Variants in QRFPR observed in about 807,000 individuals in gnomAD.
The protein encoded by QRFPR is pyroglutamylated RF-amide peptide receptor.
QRFPR carries 37 observed loss-of-function variants against 31.3 expected under a neutral mutation model. The ratio of observed to expected loss-of-function variants is 1.18; its 90% CI spans 0.91 to 1.56. The LOEUF is 1.56. Ranked by LOEUF, QRFPR falls within the 40% of genes most tolerant of loss-of-function variation. The probability of loss-of-function intolerance (pLI) is 0.00; values close to 1 mark genes in which losing one functional copy is unlikely to be tolerated. For missense variants in QRFPR, 542 were observed against 532.5 expected, an observed-to-expected ratio of 1.02 and a Z score of -0.18; for synonymous variants, 197 against 192.0, an observed-to-expected ratio of 1.03 and a Z score of -0.22.
At position 121,380,404 on chromosome 4, in the gene QRFPR, T is replaced by C. The variant is rs1726463839; in HGVS notation, c.244A>G (p.Ile82Val). 6.2e-7 allele frequency: 1 copy of C among 1,614,048 alleles called. No homozygotes were observed. Among genetic ancestry groups the C allele is most frequent in the Non-Finnish European group, 8.5e-7 (1 of 1,180,024 alleles). ...RSKAMRTVTN[I>V]FICSLALSDL... ...CTGAGCGCCAAGGAGCAGATAAAGA[T>C]GTTGGTGACGGTGCGCATGGCCTTG... The change falls in exon 1 of 6, where the codon ATC becomes GTC. Residue 82 changes from isoleucine to valine, a missense_variant. By Grantham distance (29) the Ile-to-Val change is conservative. Transcript: ENST00000394427.
At chr4:121,358,193 AG>A (rs1322470278) in intron 1 of QRFPR, among the ~76,000 whole-genome samples, 1 of 152,252 alleles carries the variant, frequency 6.6e-6, no homozygotes, top group Non-Finnish European at 1.5e-5. Flanking sequence ...TAATAATAGC[AG>A]GTAATACCTA....
chr4:121,329,941 T>C lies in QRFPR; in HGVS notation c.896-227A>G, dbSNP rs537801935. On this transcript the variant is annotated intron_variant, in intron 5 of 5. Coordinates refer to ENST00000394427, the MANE Select transcript of QRFPR (RefSeq NM_198179.3). ...CATGCGTAGCCTGGTGTCCAGCATA[T>C]AGTAGGGGGCTTATAGCATTGCAGC... 1.3e-4 allele frequency among the ~76,000 whole-genome samples: 20 copies of C among 152,274 alleles called. No individual in the cohort carries two copies. The South Asian group carries it at 3.7e-3, about 28-fold the overall frequency.
chr4:121,361,705 A>G (rs1725995851), intron 1 of QRFPR, among the ~76,000 whole-genome samples: 1 of 150,288 alleles, frequency 6.7e-6, no homozygotes, highest in Non-Finnish European at 1.5e-5. Context: ...AACAGCACGA[A>G]AAGTTCACAA....
intron 2 of QRFPR, among the ~76,000 whole-genome samples, chr4:121,338,415 C>G (rs1160942142): frequency 2.6e-5 from 4 of 152,164 alleles, no homozygotes; most frequent in Non-Finnish European, 5.9e-5. Flanking sequence ...GGACCTAGGC[C>G]AAGCTTGTCC....
intron 1 of QRFPR, among the ~76,000 whole-genome samples, chr4:121,367,209 C>A (rs1245524258): frequency 2.7e-5 from 4 of 149,770 alleles, no homozygotes; most frequent in African/African-American, 9.9e-5. Context: ...GACAGTGGGA[C>A]CGCTTCCTAG....
At chr4:121,338,129 G>A (rs757118826) in intron 2 of QRFPR, among the ~76,000 whole-genome samples, 1 of 152,160 alleles carries the variant, frequency 6.6e-6, no homozygotes, top group Non-Finnish European at 1.5e-5. Flanking sequence ...GGACTCACAA[G>A]TCTGTCTGTC....
At chr4:121,335,530 T>C (rs748645499) in intron 3 of QRFPR, among the ~76,000 whole-genome samples, 1 of 133,032 alleles carries the variant, frequency 7.5e-6, no homozygotes, top group African/African-American at 2.8e-5. Flanking sequence ...TCTCCCCATT[T>C]TCCTCATCAG....
intron 1 of QRFPR, among the ~76,000 whole-genome samples, chr4:121,376,864 G>A (rs1332761760): frequency 6.6e-6 from 1 of 152,114 alleles, no homozygotes; most frequent in Non-Finnish European, 1.5e-5. Context: ...AAAGACCTGA[G>A]CTGACTTCTC....
intron 1 of QRFPR, among the ~76,000 whole-genome samples, chr4:121,343,877 G>A (rs1275116616): frequency 2.0e-5 from 3 of 152,072 alleles, no homozygotes; most frequent in Admixed American, 2.0e-4. Flanking sequence ...CAGGGTATCT[G>A]TCAATTGATT....
chr4:121,377,399 CTATA>C (rs71599124), intron 1 of QRFPR, among the ~76,000 whole-genome samples: 145 of 139,704 alleles, frequency 1.0e-3, no homozygotes, highest in African/African-American at 3.7e-3. Context: ...TTTTACATAA[CTATA>C]TATATATATA....
chr4:121,340,315 A>T, intron 2 of QRFPR, 137 bp downstream of exon 2: 3 of 900,644 alleles, frequency 3.3e-6, no homozygotes, highest in Middle Eastern at 2.8e-4. Flanking sequence ...AAACAGGGAA[A>T]GCACTGAAAC....
intron 1 of QRFPR, among the ~76,000 whole-genome samples, chr4:121,350,232 A>C (rs2110474237): frequency 6.6e-6 from 1 of 152,300 alleles, no homozygotes; most frequent in African/African-American, 2.4e-5. Context: ...AACTTTACTT[A>C]ACTCTCTTCA....
At chr4:121,365,541 ATT>A (rs1560743640) in intron 1 of QRFPR, among the ~76,000 whole-genome samples, 1,671 of 7,026 alleles carry the variant, frequency 0.24, 640 homozygotes, top group East Asian at 0.65. Flanking sequence ...TATAATATAT[ATT>A]ATATATAATA....
intron 1 of QRFPR, among the ~76,000 whole-genome samples, chr4:121,375,853 A>G (rs1404329737): frequency 6.6e-6 from 1 of 152,258 alleles, no homozygotes; most frequent in African/African-American, 2.4e-5. Flanking sequence ...ATGGAAACTT[A>G]GAGAAGAGAG....
At chr4:121,344,724 T>A (rs1047471116) in intron 1 of QRFPR, among the ~76,000 whole-genome samples, 1 of 152,180 alleles carries the variant, frequency 6.6e-6, no homozygotes, top group Non-Finnish European at 1.5e-5. Context: ...AGACTTCTGG[T>A]TTTCCTCTGC....
chr4:121,361,214 T>C (rs571353870), intron 1 of QRFPR, among the ~76,000 whole-genome samples: 2 of 146,590 alleles, frequency 1.4e-5, no homozygotes, highest in Admixed American at 1.4e-4. Context: ...AAAGACCATA[T>C]TTACTTTGAG....
At chr4:121,364,135 C>A (rs1292973682) in intron 1 of QRFPR, among the ~76,000 whole-genome samples, 1 of 149,784 alleles carries the variant, frequency 6.7e-6, no homozygotes, top group African/African-American at 2.5e-5. Context: ...GGGCAGGAAT[C>A]AGTAGGATGG....
chr4:121,334,219 C>T (rs151258049), intron 3 of QRFPR, among the ~76,000 whole-genome samples: 1 of 152,294 alleles, frequency 6.6e-6, no homozygotes, highest in East Asian at 1.9e-4. Flanking sequence ...CTAGGGACTA[C>T]GGACTTCCTG....
intron 1 of QRFPR, among the ~76,000 whole-genome samples, chr4:121,361,556 A>G (rs1314769138): frequency 6.7e-6 from 1 of 150,096 alleles, no homozygotes; most frequent in Admixed American, 6.6e-5. Context: ...TAGGTCTCAA[A>G]CTTTATTGAA....
Sources: gnomAD v4.1 joint callset for allele counts (sites outside exome capture counted in the v4.1 genomes callset) on GRCh38, gnomAD v4.1.1 for gene constraint, MANE v1.5 for transcripts, NCBI Gene and HGNC (gene_info 2026-07-23, HGNC 2026-07-21) for gene names.